POM121: variants seen among roughly 807,000 people sequenced by gnomAD.
POM121 encodes nuclear envelope pore membrane protein POM 121.
Under a neutral mutation model 81.3 loss-of-function variants are expected in POM121, and 32 were observed. That is an observed-to-expected ratio of 0.39 (90% CI 0.30 to 0.53). POM121 has a LOEUF of 0.53. Ranked by LOEUF, POM121 falls within the 20% of genes least tolerant of loss-of-function variation. The pLI is 0.66. For synonymous variants in POM121, 514 were observed against 694.2 expected, an observed-to-expected ratio of 0.74 and a Z score of 4.08; for missense variants, 1,138 against 1,614.6, an observed-to-expected ratio of 0.70 and a Z score of 5.06.
chr7:72,933,943 G>A lies in POM121; in HGVS notation c.1275+3832G>A, dbSNP rs1796265342. ...TCAAAAAGCAATTACATAAAAACAA[G>A]GCTCAGAACTGTATAGTATCCTCTA... On this transcript the variant is annotated intron_variant, in intron 5 of 12. Transcript: ENST00000434423. 2.0e-5 allele frequency among the ~76,000 whole-genome samples: 3 copies of A among 151,974 alleles called. No homozygotes were observed. In the South Asian group the frequency reaches 6.2e-4, roughly 31 times the overall value.
chr7:72,900,986 T>G (rs546516124), intron 3 of POM121, among the ~76,000 whole-genome samples: 2 of 151,720 alleles, frequency 1.3e-5, no homozygotes, highest in South Asian at 4.2e-4. Context: ...TCACAGAATT[T>G]GGCGTTTTTT....
rs529651584 is a variant in POM121, at chr7:72,943,122, G to C, written c.3129G>C (p.Thr1043=). The C allele has an allele frequency of 6.2e-7, 1 of 1,612,962 alleles. No individual in the cohort carries two copies. Among genetic ancestry groups the C allele is most frequent in the Non-Finnish European group, 8.5e-7 (1 of 1,179,638 alleles). Residue 1043 remains threonine (T), a synonymous_variant, in exon 11 of 13, where the codon ACG becomes ACC. Transcript: ENST00000434423. The stretch of plus-strand genomic sequence containing the variant: ...ACTCGGCGTTTGGGTTGAAAGCCAC[G>C]GCTTCGGCCTTCGGCGCTCCCGCCA... ...ATHSAFGLKA[T]ASAFGAPASS...
chr7:72,880,389 G>A (rs1252187572), intron 1 of POM121, among the ~76,000 whole-genome samples: 1 of 152,162 alleles, frequency 6.6e-6, no homozygotes, highest in Non-Finnish European at 1.5e-5. Context: ...GCTCATAGTA[G>A]AACCCAGGAG....
intron 3 of POM121, among the ~76,000 whole-genome samples, chr7:72,911,214 C>CCT: frequency 6.6e-6 from 1 of 152,224 alleles, no homozygotes; most frequent in East Asian, 1.9e-4. Context: ...AAACTCCTGA[C>CCT]CTCAGGTGAT....
chr7:72,925,863 A>G (rs1554497277), intron 1 of POM121, 98 bp downstream of exon 1: 2 of 1,253,438 alleles, frequency 1.6e-6, no homozygotes. Context: ...ATCAAGTCCC[A>G]AGGGGATTGT....
At chr7:72,939,719 A>G in intron 7 of POM121, 128 bp from the exon 8 acceptor site, 1 of 1,605,102 alleles carries the variant, frequency 6.2e-7, no homozygotes, top group East Asian at 2.2e-5. Flanking sequence ...AAGCAACCAA[A>G]CCATAGAAGA....
chr7:72,950,072 T>C, downstream of POM121: 1 of 1,574,536 alleles, frequency 6.4e-7, no homozygotes, highest in African/African-American at 1.4e-5. Context: ...TCCTGCAGAA[T>C]GAGGTGTCCG....
chr7:72,903,041 T>C (rs1246103847), intron 3 of POM121, among the ~76,000 whole-genome samples: 1 of 152,198 alleles, frequency 6.6e-6, no homozygotes, highest in East Asian at 1.9e-4. Flanking sequence ...CTCTCTTATG[T>C]CACTGCATGG....
intron 8 of POM121, 30 bp downstream of exon 8, chr7:72,939,998 C>G (rs546555653): frequency 6.3e-7 from 1 of 1,598,500 alleles, no homozygotes; most frequent in South Asian, 1.1e-5. Context: ...CTCCTGCCCT[C>G]CCCGGCTTAG....
chr7:72,941,214 G>GTAGCTGCCCTGAGCCTCGCCTTCCTCA, intron 10 of POM121, among the ~76,000 whole-genome samples: 1 of 151,878 alleles, frequency 6.6e-6, no homozygotes, highest in South Asian at 2.1e-4. Flanking sequence ...AGCCTGGCTC[G>GTAGCTGCCCTGAGCCTCGCCTTCCTCA]TAGCTGCCCT....
Position 72,946,323 on chromosome 7 carries a change from C to A in POM121, c.*89C>A. ...GAAGAGCCTTGGACCCTTCCAGTTG[C>A]GTAAAGCAAACCTACCCCGGATCTC... On this transcript the variant is annotated 3_prime_UTR_variant, in exon 13 of 13. Coordinates refer to ENST00000434423, the MANE Select transcript of POM121 (RefSeq NM_001387691.1). 2 of 1,523,294 alleles carry A rather than the reference C, an allele frequency of 1.3e-6. No homozygotes were observed. The highest frequency in any genetic ancestry group is 1.8e-6 in the Non-Finnish European group (2 of 1,134,172). The allele number at this position is 1,523,294 out of a possible 1,614,324, so 94.4% of individuals were successfully genotyped here.
intron 11 of POM121, among the ~76,000 whole-genome samples, chr7:72,945,256 G>C (rs1432456183): frequency 6.6e-6 from 1 of 152,146 alleles, no homozygotes; most frequent in Non-Finnish European, 1.5e-5. Flanking sequence ...AACAGAGGAG[G>C]TAGCCAACCC....
chr7:72,939,812 G>A lies in POM121; in HGVS notation c.1442-35G>A, dbSNP rs781988903. ...CACAACCATCCATTTCTGGAAGAGGGAAGGAAGCAAACGAGTCTTGATTTC... is the reference window on the plus strand; with the variant it reads ...CACAACCATCCATTTCTGGAAGAGGAAAGGAAGCAAACGAGTCTTGATTTC... On this transcript the variant is annotated intron_variant, in intron 7 of 12. Transcript: ENST00000434423. 9 of 1,610,908 alleles carry A rather than the reference G, an allele frequency of 5.6e-6. No homozygotes were observed. The South Asian group carries it at 6.6e-5, about 12-fold the overall frequency.
chr7:72,926,709 T>A, intron 2 of POM121, 93 bp from the exon 3 acceptor site: 1 of 1,534,314 alleles, frequency 6.5e-7, no homozygotes, highest in Non-Finnish European at 8.8e-7. Flanking sequence ...CTTTGGCCTG[T>A]TGGTTAGCTT....
rs1586146013 is a variant in POM121, at chr7:72,925,203, T to C, written c.82T>C (p.Cys28Arg). 6 of 1,523,860 alleles carry C rather than the reference T, an allele frequency of 3.9e-6. No individual in the cohort carries two copies. The East Asian group carries it at 1.5e-4, about 38-fold the overall frequency. 94.4% of individuals were successfully genotyped at this position (1,523,860 alleles called of 1,614,324 possible). A position where few individuals can be genotyped will look rare whatever the true frequency, so the allele number is the denominator to read the frequency against. The change falls in exon 1 of 13, where the codon TGC becomes CGC. Residue 28 changes from cysteine (C) to arginine (R), a missense_variant. Physicochemically the swap from Cys to Arg is radical, Grantham distance 180. This residue lies in a region of POM121 where 646 missense variants were observed against 633.5 expected (regional missense o/e 1.02). Transcript: ENST00000434423. ...TGTCAGGGACGGCCGGGGCCGGGGC[T>C]GCGGCGGGCCGGCCAGGGCGGTGCT... ...ASVRDGRGRGCGGPARAVLLG... is the reference protein window; with the variant it reads ...ASVRDGRGRGRGGPARAVLLG...
chr7:72,923,083 T>C (rs1554496278), upstream of POM121, among the ~76,000 whole-genome samples: 1 of 151,734 alleles, frequency 6.6e-6, no homozygotes, highest in East Asian at 1.9e-4. Flanking sequence ...ATACTGAGAT[T>C]TTTTTCTTAA....
At position 72,933,557 on chromosome 7, in the gene POM121, C is replaced by T. The variant is rs401683; in HGVS notation, c.1275+3446C>T. 2.2e-4 allele frequency among the ~76,000 whole-genome samples: 33 copies of T among 152,174 alleles called. No homozygotes were observed. In the East Asian group the frequency reaches 5.4e-3, roughly 25 times the overall value. ...ATTCCAAATGAAGCAAAGTTTTGAA[C>T]GTAAAATAGAAACCATAGAAGTGCA... On this transcript the variant is annotated intron_variant, in intron 5 of 12. Transcript: ENST00000434423.
intron 1 of POM121, among the ~76,000 whole-genome samples, chr7:72,882,811 T>C (rs1554489491): frequency 6.6e-6 from 1 of 152,208 alleles, no homozygotes; most frequent in Admixed American, 6.5e-5. Context: ...TTTCGTTTTG[T>C]CCTTTTCACT....
chr7:72,944,369 G>A (rs1395684914), intron 11 of POM121, among the ~76,000 whole-genome samples: 4 of 152,180 alleles, frequency 2.6e-5, no homozygotes, highest in Admixed American at 2.6e-4. Context: ...GCTTCGTGAA[G>A]TAGAGAAAAT....
Sources: gnomAD v4.1 joint callset for allele counts (sites outside exome capture counted in the v4.1 genomes callset) on GRCh38, gnomAD v4.1.1 for gene constraint, gnomAD v4.1.1 regional missense constraint, MANE v1.5 for transcripts, NCBI Gene and HGNC (gene_info 2026-07-23, HGNC 2026-07-21) for gene names.